The following ATXN1 variants were observed in gnomAD, a reference collection of about 807,000 sequenced individuals.
ATXN1 encodes ataxin 1, also known as ataxin-1.
ATXN1 carries 8 observed loss-of-function variants against 56.4 expected under a neutral mutation model. The ratio of observed to expected loss-of-function variants is 0.14; its 90% confidence interval spans 0.08 to 0.26. The LOEUF (loss-of-function observed/expected upper bound fraction) is 0.26. Ranked by LOEUF, ATXN1 falls within the 10% of genes least tolerant of loss-of-function variation. The pLI is 1.00. For missense variants in ATXN1, 987 were observed against 1,106.5 expected (o/e 0.89, Z 1.53); for synonymous variants, 514 against 494.6 (o/e 1.04, Z -0.52).
chr6:16,581,992 G>C (rs1399350528), intron 4 of ATXN1, among the ~76,000 whole-genome samples: 1 of 152,190 alleles, frequency 6.6e-6, no homozygotes. Flanking sequence ...TGAGAGATGA[G>C]TAGCCCGATG....
intron 3 of ATXN1, among the ~76,000 whole-genome samples, chr6:16,611,758 T>C (rs1013803199): frequency 1.3e-5 from 2 of 150,504 alleles, no homozygotes; most frequent in Non-Finnish European, 3.0e-5. Flanking sequence ...CATGGAAATA[T>C]ATAAAGAAAA....
chr6:16,727,955 T>C (rs1759886066), intron 2 of ATXN1, among the ~76,000 whole-genome samples: 1 of 152,226 alleles, frequency 6.6e-6, no homozygotes, highest in Non-Finnish European at 1.5e-5. Flanking sequence ...GCCATACTTA[T>C]TCACCATCTA....
rs544299574 is a variant in ATXN1 at position 16,631,138 on chromosome 6, T to C, written c.-489+26638A>G. ...TCCTGTGAGGCAGGATTATTATTCA[T>C]GTTTTAAAGCTGAGAAAACAGAGGC... is the stretch of plus-strand genomic sequence containing the variant. On this transcript the variant is annotated intron_variant, in intron 3 of 7. Transcript: ENST00000436367. Among the ~76,000 whole-genome samples the C allele has an allele frequency of 2.0e-5, 3 of 152,358 alleles. No individual in the cohort carries two copies. The South Asian group carries it at 6.2e-4, about 32-fold the overall frequency.
At chr6:16,391,446 C>T (rs1758354149) in intron 6 of ATXN1, among the ~76,000 whole-genome samples, 2 of 152,130 alleles carry the variant, frequency 1.3e-5, no homozygotes, top group South Asian at 4.1e-4. Context: ...GGCCAGTGCA[C>T]AGGTAATGGT....
chr6:16,555,587 C>T (rs1428739387), intron 4 of ATXN1, among the ~76,000 whole-genome samples: 4 of 152,222 alleles, frequency 2.6e-5, no homozygotes, highest in East Asian at 1.9e-4. Flanking sequence ...GACATGAGAC[C>T]GGCTGTCAAA....
At chr6:16,369,263 A>G (rs1312212855) in intron 6 of ATXN1, among the ~76,000 whole-genome samples, 1 of 152,212 alleles carries the variant, frequency 6.6e-6, no homozygotes, top group Non-Finnish European at 1.5e-5. Flanking sequence ...AGGAATGGGC[A>G]GTATGTGGTT....
At chr6:16,539,859 TAC>T (rs1222444368) in intron 4 of ATXN1, among the ~76,000 whole-genome samples, 1 of 151,972 alleles carries the variant, frequency 6.6e-6, no homozygotes, top group African/African-American at 2.4e-5. Flanking sequence ...AGAAACAAAT[TAC>T]ACCCTTAGAG....
intron 6 of ATXN1, among the ~76,000 whole-genome samples, chr6:16,474,874 TC>T (rs1760295906): frequency 6.6e-6 from 1 of 152,062 alleles, no homozygotes; most frequent in Non-Finnish European, 1.5e-5. Flanking sequence ...ACTCTCTCTC[TC>T]TTTCTGTAAA....
chr6:16,529,243 G>A (rs1048193094), intron 4 of ATXN1, among the ~76,000 whole-genome samples: 1 of 149,530 alleles, frequency 6.7e-6, no homozygotes, highest in African/African-American at 2.5e-5. Flanking sequence ...AGCAAGCGAG[G>A]ATATGAGAAC....
chr6:16,622,666 T>C (rs1308218244), intron 3 of ATXN1, among the ~76,000 whole-genome samples: 1 of 152,220 alleles, frequency 6.6e-6, no homozygotes, highest in Non-Finnish European at 1.5e-5. Flanking sequence ...ATGATTTCTT[T>C]TTACCCAGCC....
At chr6:16,310,556 C>T (rs1305739441) in intron 7 of ATXN1, among the ~76,000 whole-genome samples, 1 of 152,170 alleles carries the variant, frequency 6.6e-6, no homozygotes, top group African/African-American at 2.4e-5. Flanking sequence ...GATCTCGGCT[C>T]ACTGCAATCT....
chr6:16,684,177 A>G (rs534834810), intron 2 of ATXN1, among the ~76,000 whole-genome samples: 18 of 152,254 alleles, frequency 1.2e-4, no homozygotes, highest in African/African-American at 4.1e-4. Context: ...AAGATCTTAG[A>G]CTTGCTTGAC....
chr6:16,335,216 C>T (rs1450824111), intron 6 of ATXN1, among the ~76,000 whole-genome samples: 3 of 152,240 alleles, frequency 2.0e-5, no homozygotes, highest in Non-Finnish European at 4.4e-5. Context: ...GACTATTGAC[C>T]TTCTCTTCCA....
chr6:16,565,128 A>T (rs1317958840), intron 4 of ATXN1, among the ~76,000 whole-genome samples: 1 of 152,210 alleles, frequency 6.6e-6, no homozygotes, highest in African/African-American at 2.4e-5. Context: ...TAGTGGTTAA[A>T]AATCAATCTC....
intron 7 of ATXN1, among the ~76,000 whole-genome samples, chr6:16,309,064 C>G (rs957098445): frequency 6.6e-6 from 1 of 151,046 alleles, no homozygotes; most frequent in African/African-American, 2.4e-5. Context: ...CCCGTTTCTA[C>G]AGAAATTTAA....
At chr6:16,541,866 C>T (rs534105496) in intron 4 of ATXN1, among the ~76,000 whole-genome samples, 22 of 152,260 alleles carry the variant, frequency 1.4e-4, no homozygotes, top group African/African-American at 5.3e-4. Flanking sequence ...AACTAAAACT[C>T]AGGATTTCTG....
At chr6:16,620,735 G>A (rs902780298) in intron 3 of ATXN1, among the ~76,000 whole-genome samples, 1 of 152,188 alleles carries the variant, frequency 6.6e-6, no homozygotes, top group African/African-American at 2.4e-5. Flanking sequence ...TTTACAGCTG[G>A]GTGTGCAAAG....
chr6:16,394,380 T>C (rs1477458462), intron 6 of ATXN1, among the ~76,000 whole-genome samples: 1 of 152,238 alleles, frequency 6.6e-6, no homozygotes, highest in Non-Finnish European at 1.5e-5. Context: ...GAATATTTTC[T>C]AGAATGTTTT....
At chr6:16,744,516 T>C (rs547482450) in intron 2 of ATXN1, among the ~76,000 whole-genome samples, 23 of 151,950 alleles carry the variant, frequency 1.5e-4, no homozygotes, top group African/African-American at 4.6e-4. Flanking sequence ...AGGACAGGGC[T>C]CCCTGAGAAA....
Sources: allele counts gnomAD v4.1 joint callset (sites outside exome capture counted in the v4.1 genomes callset), GRCh38; gene constraint gnomAD v4.1.1; transcripts MANE v1.5; gene names NCBI Gene and HGNC (gene_info 2026-07-23, HGNC 2026-07-21).